KIF13B: variants seen among roughly 807,000 people sequenced by gnomAD.
KIF13B encodes the protein kinesin-like protein KIF13B.
In KIF13B, 127 loss-of-function variants were observed where a neutral mutation model predicts 222.0. The observed-to-expected ratio is 0.57, with a 90% CI of 0.50 to 0.66. The LOEUF (loss-of-function observed/expected upper bound fraction) is 0.66. KIF13B is among the 30% of genes least tolerant of loss of function. KIF13B has a pLI of 0.00. For synonymous variants in KIF13B, 976 were observed against 919.0 expected (o/e 1.06, Z -1.12); for missense variants, 2,173 against 2,379.0 (o/e 0.91, Z 1.80).
At chr8:29,148,259 C>G (rs1031618085) in intron 16 of KIF13B, among the ~76,000 whole-genome samples, 1 of 152,198 alleles carries the variant, frequency 6.6e-6, no homozygotes, top group Non-Finnish European at 1.5e-5. Context: ...TCAAAGTGAT[C>G]TGACTGCATA....
intron 35 of KIF13B, among the ~76,000 whole-genome samples, chr8:29,101,241 G>C (rs1563700267): frequency 1.3e-5 from 2 of 152,190 alleles, no homozygotes; most frequent in African/African-American, 2.4e-5. Flanking sequence ...ACTAAGATCA[G>C]CCCTCCATGG....
chr8:29,153,701 C>T (rs1046020658), intron 14 of KIF13B, among the ~76,000 whole-genome samples: 3 of 151,074 alleles, frequency 2.0e-5, no homozygotes, highest in African/African-American at 7.3e-5. Flanking sequence ...AAAGAAAAGG[C>T]TTATTTTCTG....
At chr8:29,259,086 C>T (rs908838094) in intron 1 of KIF13B, among the ~76,000 whole-genome samples, 40 of 152,164 alleles carry the variant, frequency 2.6e-4, no homozygotes, top group African/African-American at 8.9e-4. Context: ...ATCAGTTACA[C>T]GTACAGCTTT....
intron 36 of KIF13B, among the ~76,000 whole-genome samples, chr8:29,095,291 A>G (rs1290939508): frequency 6.6e-6 from 1 of 152,242 alleles, no homozygotes; most frequent in Non-Finnish European, 1.5e-5. Flanking sequence ...TGATGGCTGA[A>G]TTCTCAGCAG....
chr8:29,156,633 C>G (rs371736814), intron 13 of KIF13B, among the ~76,000 whole-genome samples: 2 of 151,992 alleles, frequency 1.3e-5, no homozygotes, highest in South Asian at 2.1e-4. Flanking sequence ...CCTGTCTCAG[C>G]CTCTGAGTAG....
chr8:29,134,731 A>C lies in KIF13B; in HGVS notation c.2614-521T>G, dbSNP rs536522065. 5.3e-5 allele frequency among the ~76,000 whole-genome samples: 8 copies of C among 152,370 alleles called. No individual in the cohort carries two copies. In the South Asian group the frequency reaches 1.7e-3, roughly 32 times the overall value. Reference sequence around the variant, plus strand: ...GGTTCTCAACTGAAAATGTTACACAATACTATACAACATTGTTTGGGAAAA... The same window carrying C: ...GGTTCTCAACTGAAAATGTTACACACTACTATACAACATTGTTTGGGAAAA... On this transcript the variant is annotated intron_variant, in intron 21 of 39. Transcript: ENST00000524189.
intron 2 of KIF13B, among the ~76,000 whole-genome samples, chr8:29,222,515 CTTTTTTTTTTTTTTTTTTTTTTTT>C (rs58488862): frequency 2.1e-4 from 13 of 60,594 alleles, no homozygotes; most frequent in South Asian, 1.7e-3. Context: ...CCACACCTGA[CTTTTTTTTTTTTTTTTTTTTTTTT>C]TTTTTTTTTT....
chr8:29,174,217 T>C (rs1473605698), intron 10 of KIF13B, among the ~76,000 whole-genome samples: 1 of 152,178 alleles, frequency 6.6e-6, no homozygotes, highest in Non-Finnish European at 1.5e-5. Flanking sequence ...CTTAATATCC[T>C]ATATAACTGC....
At chr8:29,136,017 G>A (rs137893826) in intron 21 of KIF13B, among the ~76,000 whole-genome samples, 164 of 152,108 alleles carry the variant, frequency 1.1e-3, no homozygotes, top group African/African-American at 3.7e-3. Flanking sequence ...AGGAACCCCC[G>A]TTATAATTCA....
intron 36 of KIF13B, among the ~76,000 whole-genome samples, chr8:29,093,384 A>G (rs1808386098): frequency 6.6e-6 from 1 of 152,246 alleles, no homozygotes; most frequent in African/African-American, 2.4e-5. Flanking sequence ...GTTTGTTAAA[A>G]GTCAGGGAGA....
intron 10 of KIF13B, among the ~76,000 whole-genome samples, chr8:29,172,334 G>A (rs968470721): frequency 4.0e-5 from 6 of 151,430 alleles, no homozygotes; most frequent in East Asian, 3.9e-4. Flanking sequence ...CGCCTGCCTC[G>A]GCCTCCCAGA....
rs933140879 is a variant in KIF13B, at chr8:29,087,946, A to T, written c.4458+4799T>A. Among the ~76,000 whole-genome samples, 35 of 152,094 alleles carry T rather than the reference A, an allele frequency of 2.3e-4. 1 individual carries two copies. The highest frequency in any genetic ancestry group is 2.0e-3 in the Admixed American group (30 of 15,260). ...AAAACTTCTACATAATAGTAAACTT[A>T]TTCAAATATGTATATAAGAAGATTA... On this transcript the variant is annotated intron_variant, in intron 37 of 39. Coordinates refer to ENST00000524189, the MANE Select transcript of KIF13B (RefSeq NM_015254.4).
chr8:29,160,582 C>A, intron 13 of KIF13B, 151 bp downstream of exon 13: 1 of 521,242 alleles, frequency 1.9e-6, no homozygotes, highest in Non-Finnish European at 3.1e-6. Flanking sequence ...GCATCAAAGA[C>A]TAAAAAAGAA....
At chr8:29,125,523 C>T (rs139690012) in intron 26 of KIF13B, among the ~76,000 whole-genome samples, 85 of 152,250 alleles carry the variant, frequency 5.6e-4, no homozygotes, top group Non-Finnish European at 1.0e-3. Context: ...ATTGTTGTGC[C>T]ATAGGACTCT....
intron 11 of KIF13B, among the ~76,000 whole-genome samples, chr8:29,166,740 A>G (rs1267663113): frequency 1.3e-5 from 2 of 151,744 alleles, no homozygotes; most frequent in Non-Finnish European, 2.9e-5. Flanking sequence ...CCTGAATCTA[A>G]TATTTCATTC....
In KIF13B at chr8:29,072,842, A is replaced by G. The variant is rs114095054; in HGVS notation, c.4522-526T>C. Among the ~76,000 whole-genome samples, 499 of 152,300 alleles carry G rather than the reference A, an allele frequency of 3.3e-3. 5 individuals are homozygous for G. The highest frequency in any genetic ancestry group is 0.011 in the African/African-American group (466 of 41,572). On this transcript the variant is annotated intron_variant, in intron 38 of 39. Transcript: ENST00000524189. ...TGCACGCTAAAACCCTGCTAGGGCTAGTTAGCTTTCCTCCCATGGAGACAA... is the reference window on the plus strand; with the variant it reads ...TGCACGCTAAAACCCTGCTAGGGCTGGTTAGCTTTCCTCCCATGGAGACAA...
At chr8:29,159,953 T>C (rs1413788057) in intron 13 of KIF13B, among the ~76,000 whole-genome samples, 3 of 152,236 alleles carry the variant, frequency 2.0e-5, no homozygotes, top group Non-Finnish European at 4.4e-5. Flanking sequence ...GTCATGTTCA[T>C]TAAACCCACA....
chr8:29,071,562 G>C lies in KIF13B; in HGVS notation c.5218+58C>G. The C allele has an allele frequency of 6.8e-7, 1 of 1,462,162 alleles. No individual in the cohort carries two copies. The highest frequency in any genetic ancestry group is 1.4e-5 in the African/African-American group (1 of 71,372). The allele number at this position is 1,462,162 out of a possible 1,614,324, so 90.6% of individuals were successfully genotyped here. ...CCCTGTCCCCTCCCAGGCCGGCCAC[G>C]TTCCTGCTTCCCCAGACCCCCGGCA... On this transcript the variant is annotated intron_variant, in intron 39 of 39. Transcript: ENST00000524189. This position sits in a 1 kb window ranked among gnomAD's most constrained non-coding sequence, Gnocchi z 4.9.
rs549622705 is a variant in KIF13B, at chr8:29,127,056, G to A, written c.3222+66C>T. 1.2e-5 allele frequency: 18 copies of A among 1,486,848 alleles called. No individual in the cohort carries two copies. The South Asian group carries it at 2.2e-4, about 18-fold the overall frequency. The allele number at this position is 1,486,848 out of a possible 1,614,324, so 92.1% of individuals were successfully genotyped here. A position where few individuals can be genotyped will look rare whatever the true frequency, so the allele number is the denominator to read the frequency against. ...TGTTCATAAAAAGTAGTTTCGTACG[G>A]GTTCCAAAAGGCACTCTGGTCTGAT... On this transcript the variant is annotated intron_variant, in intron 25 of 39. Transcript: ENST00000524189.
Sources: allele counts gnomAD v4.1 joint callset (sites outside exome capture counted in the v4.1 genomes callset), GRCh38; gene constraint gnomAD v4.1.1; non-coding constraint Gnocchi (gnomAD v3.1); transcripts MANE v1.5; gene names NCBI Gene and HGNC (gene_info 2026-07-23, HGNC 2026-07-21).